PHF11: variants seen among roughly 807,000 people sequenced by gnomAD.
PHF11 encodes the protein BRCA1 C-terminus-associated protein.
A neutral mutation model predicts 40.5 loss-of-function variants in PHF11; 38 were observed. The observed-to-expected ratio is 0.94, with a 90% CI of 0.72 to 1.23. The LOEUF is 1.23. PHF11 is among the 50% of genes most tolerant of loss of function. The pLI, the probability that PHF11 is intolerant of heterozygous loss-of-function variation, is 0.00. For synonymous variants in PHF11, 127 were observed against 138.2 expected (o/e 0.92, Z 0.57); for missense variants, 369 against 392.4 (o/e 0.94, Z 0.50).
chr13:49,506,898 C>CT (rs1169962633), intron 2 of PHF11, 142 bp downstream of exon 2: 86,874 of 143,928 alleles, frequency 0.6, 28,413 homozygotes, highest in Admixed American at 0.68. Flanking sequence ...GGGAGCATTT[C>CT]TTTTTTTTTT....
intron 8 of PHF11, chr13:49,525,743 T>C (rs1305267101): frequency 6.7e-6 from 3 of 445,622 alleles, no homozygotes; most frequent in Non-Finnish European, 1.3e-5. Context: ...GCTCATTTAT[T>C]ATACTATTTT....
intron 3 of PHF11, among the ~76,000 whole-genome samples, chr13:49,514,349 A>G (rs1959121092): frequency 6.6e-6 from 1 of 152,208 alleles, no homozygotes; most frequent in South Asian, 2.1e-4. Context: ...TAATCGAAGA[A>G]ATGGAAAGTG....
At chr13:49,522,525 C>T (rs1959193174) in intron 6 of PHF11, among the ~76,000 whole-genome samples, 2 of 151,378 alleles carry the variant, frequency 1.3e-5, no homozygotes, top group South Asian at 2.1e-4. Context: ...AGCTGCATGA[C>T]CCACACCTGA....
At chr13:49,512,922 C>T (rs1479618476) in intron 2 of PHF11, 137 bp from the exon 3 acceptor site, 4 of 588,416 alleles carry the variant, frequency 6.8e-6, no homozygotes, top group Admixed American at 3.1e-5. Context: ...TGCTCATCCA[C>T]CCCCAAAGTT....
At chr13:49,526,026 G>A (rs963295126) in intron 8 of PHF11, 17 of 324,348 alleles carry the variant, frequency 5.2e-5, no homozygotes, top group East Asian at 4.2e-4. Flanking sequence ...AAAATTAGCC[G>A]GGCGTGGCGG....
rs1959423300 is a variant in PHF11, at chr13:49,528,773, G to A, written c.*108G>A. On this transcript the variant is annotated 3_prime_UTR_variant, in exon 10 of 10. Transcript: ENST00000378319. ...CTTTAGAACTAGTCGTCTCCTCTTG[G>A]CCTCAGCAGCTCTTCCCTGTTCTTA... The A allele has an allele frequency of 2.8e-6, 2 of 719,148 alleles. No individual in the cohort carries two copies. The highest frequency in any genetic ancestry group is 4.6e-6 in the Non-Finnish European group (2 of 433,104). 44.5% of individuals were successfully genotyped at this position (719,148 alleles called of 1,614,324 possible).
intron 6 of PHF11, 39 bp downstream of exon 6, chr13:49,522,146 TAC>T (rs1566196402): frequency 3.9e-6 from 4 of 1,016,810 alleles, no homozygotes. Context: ...CATTTCTTCA[TAC>T]AGAGTCCTTA....
At chr13:49,502,780 T>C (rs995050160) in intron 1 of PHF11, among the ~76,000 whole-genome samples, 3 of 152,244 alleles carry the variant, frequency 2.0e-5, no homozygotes, top group Admixed American at 6.5e-5. Flanking sequence ...CACAGTGCAG[T>C]GGCACATTCT....
intron 3 of PHF11, among the ~76,000 whole-genome samples, chr13:49,515,460 ACACACACACACACACAC>A (rs1959139391): frequency 9.8e-5 from 2 of 20,426 alleles, no homozygotes; most frequent in Non-Finnish European, 1.6e-4. Flanking sequence ...TCCTATACAC[ACACACACACACACACAC>A]ACACACACAC....
chr13:49,525,962 A>T, intron 8 of PHF11: 1 of 336,114 alleles, frequency 3.0e-6, no homozygotes, highest in Non-Finnish European at 5.8e-6. Flanking sequence ...TGTGGTCAGC[A>T]GTTCGAGACC....
chr13:49,523,535 C>T (rs1959202238), intron 7 of PHF11: 1 of 401,804 alleles, frequency 2.5e-6, no homozygotes, highest in African/African-American at 2.1e-5. Context: ...ACCCCTCACA[C>T]TGTGACCCCT....
chr13:49,515,927 C>T (rs184314751), intron 3 of PHF11, among the ~76,000 whole-genome samples: 3 of 152,184 alleles, frequency 2.0e-5, no homozygotes, highest in Non-Finnish European at 4.4e-5. Context: ...CCTGAGACTT[C>T]CCTGTGCCCA....
chr13:49,523,751 AT>A (rs1247183440), intron 7 of PHF11: 2 of 210,128 alleles, frequency 9.5e-6, no homozygotes, highest in Non-Finnish European at 1.9e-5. Flanking sequence ...TGAAGAACTT[AT>A]CCATGTAACC....
intron 2 of PHF11, among the ~76,000 whole-genome samples, chr13:49,510,172 G>A (rs919051403): frequency 1.3e-5 from 2 of 151,992 alleles, no homozygotes; most frequent in African/African-American, 2.4e-5. Context: ...CTATAGGCAT[G>A]TGCCACTGTG....
chr13:49,496,407 C>G, intron 1 of PHF11: 2 of 1,109,750 alleles, frequency 1.8e-6, no homozygotes, highest in Non-Finnish European at 2.2e-6. Flanking sequence ...AGTGCTTCCA[C>G]CACAACCGAT....
intron 5 of PHF11, chr13:49,521,439 T>C: frequency 1.0e-6 from 1 of 986,358 alleles, no homozygotes; most frequent in East Asian, 1.1e-4. Context: ...ATGTTCATTG[T>C]GAAGTGGAGT....
At chr13:49,511,376 G>A (rs1959080800) in intron 2 of PHF11, among the ~76,000 whole-genome samples, 1 of 140,262 alleles carries the variant, frequency 7.1e-6, no homozygotes, top group Admixed American at 7.9e-5. Context: ...GCCCAGGCTG[G>A]AGTGTGATGG....
intron 2 of PHF11, among the ~76,000 whole-genome samples, chr13:49,508,826 A>C (rs1959045919): frequency 6.6e-6 from 1 of 152,184 alleles, no homozygotes; most frequent in Non-Finnish European, 1.5e-5. Flanking sequence ...CAAGCAATTA[A>C]ATTTGGAAGC....
chr13:49,522,755 TG>T (rs35269738), intron 6 of PHF11, among the ~76,000 whole-genome samples: 77,544 of 138,204 alleles, frequency 0.56, 23,316 homozygotes, highest in East Asian at 0.78. Context: ...AATATGAATA[TG>T]GGGTTTTTTT....
Sources: allele counts gnomAD v4.1 joint callset (sites outside exome capture counted in the v4.1 genomes callset), GRCh38; gene constraint gnomAD v4.1.1; transcripts MANE v1.5; gene names NCBI Gene and HGNC (gene_info 2026-07-23, HGNC 2026-07-21).